Variants in PRKG1 observed in about 807,000 individuals in gnomAD.
PRKG1 encodes protein kinase cGMP-dependent 1.
In PRKG1, 35 loss-of-function variants were observed where a neutral mutation model predicts 88.1. That is an observed-to-expected ratio of 0.40 (90% CI 0.30 to 0.53). PRKG1 has a LOEUF of 0.53. PRKG1 is among the 20% of genes least tolerant of loss of function. PRKG1 has a pLI of 0.59. For missense variants in PRKG1, 540 were observed against 839.8 expected (o/e 0.64, Z 4.41); for synonymous variants, 303 against 292.5 (o/e 1.04, Z -0.37).
intron 5 of PRKG1, among the ~76,000 whole-genome samples, chr10:51,932,199 T>G (rs539132423): frequency 2.3e-4 from 31 of 136,890 alleles, no homozygotes; most frequent in African/African-American, 9.7e-4. Flanking sequence ...GGTTTGGTGT[T>G]TTTTTTTTTT....
intron 5 of PRKG1, among the ~76,000 whole-genome samples, chr10:51,963,615 T>G (rs1032878438): frequency 6.6e-6 from 1 of 151,836 alleles, no homozygotes; most frequent in Non-Finnish European, 1.5e-5. Flanking sequence ...GCCCGGCTAA[T>G]TTTTGTATTT....
chr10:51,152,274 T>A (rs1342144307), intron 1 of PRKG1, among the ~76,000 whole-genome samples: 1 of 152,068 alleles, frequency 6.6e-6, no homozygotes, highest in Non-Finnish European at 1.5e-5. Flanking sequence ...ACTGACTACC[T>A]GTATTGAATC....
chr10:52,262,416 G>T (rs1369821987), intron 10 of PRKG1, among the ~76,000 whole-genome samples: 2 of 151,900 alleles, frequency 1.3e-5, no homozygotes, highest in African/African-American at 2.4e-5. Context: ...GATTACAGGT[G>T]CCCACTGCCA....
intron 3 of PRKG1, among the ~76,000 whole-genome samples, chr10:51,761,248 T>C (rs866730480): frequency 6.6e-6 from 1 of 152,228 alleles, no homozygotes; most frequent in African/African-American, 2.4e-5. Flanking sequence ...AATTAGATTG[T>C]TTTTTAACTT....
intron 2 of PRKG1, among the ~76,000 whole-genome samples, chr10:51,403,319 T>C (rs1054956182): frequency 6.6e-6 from 1 of 152,160 alleles, no homozygotes; most frequent in Non-Finnish European, 1.5e-5. Context: ...ATACTTAAAA[T>C]TTTCAGATCT....
chr10:51,104,162 T>C (rs1844758628), intron 1 of PRKG1, among the ~76,000 whole-genome samples: 2 of 152,122 alleles, frequency 1.3e-5, no homozygotes, highest in Non-Finnish European at 2.9e-5. Context: ...AAATAGATAA[T>C]TCCTAAACAG....
At chr10:51,622,640 G>C (rs1277328727) in intron 3 of PRKG1, among the ~76,000 whole-genome samples, 1 of 152,126 alleles carries the variant, frequency 6.6e-6, no homozygotes. Flanking sequence ...ATAAGATACT[G>C]GTAAGTGCCA....
intron 1 of PRKG1, among the ~76,000 whole-genome samples, chr10:51,121,928 T>G (rs1276548081): frequency 6.6e-6 from 1 of 152,214 alleles, no homozygotes; most frequent in Non-Finnish European, 1.5e-5. Context: ...ACTTATTGCA[T>G]TTAATGTTCT....
chr10:52,042,045 A>G (rs1204903727), intron 5 of PRKG1, among the ~76,000 whole-genome samples: 2 of 152,146 alleles, frequency 1.3e-5, no homozygotes, highest in Non-Finnish European at 2.9e-5. Context: ...TAAAGCACTG[A>G]TGAAAGAAAT....
chr10:51,213,215 G>C (rs970803512), intron 2 of PRKG1, among the ~76,000 whole-genome samples: 2 of 151,162 alleles, frequency 1.3e-5, no homozygotes, highest in Admixed American at 1.3e-4. Flanking sequence ...CTATCGCAAG[G>C]ACAAAAAACC....
At chr10:51,842,648 G>T (rs778852584) in intron 4 of PRKG1, among the ~76,000 whole-genome samples, 4 of 152,040 alleles carry the variant, frequency 2.6e-5, no homozygotes, top group Non-Finnish European at 5.9e-5. Flanking sequence ...AGAATTTTAT[G>T]TTAGATAACA....
At chr10:51,382,656 G>A (rs1016035729) in intron 2 of PRKG1, among the ~76,000 whole-genome samples, 29 of 152,160 alleles carry the variant, frequency 1.9e-4, no homozygotes, top group Non-Finnish European at 3.4e-4. Flanking sequence ...AAGTGTCAAA[G>A]TGCCTATTTA....
intron 1 of PRKG1, among the ~76,000 whole-genome samples, chr10:51,100,313 T>C: frequency 6.6e-6 from 1 of 152,342 alleles, no homozygotes; most frequent in South Asian, 2.1e-4. Flanking sequence ...TGCTGTAGAC[T>C]TTTGAAATTT....
chr10:51,813,605 C>A (rs563808396), intron 4 of PRKG1, among the ~76,000 whole-genome samples: 75 of 152,240 alleles, frequency 4.9e-4, no homozygotes, highest in Non-Finnish European at 8.5e-4. Flanking sequence ...AAGAAAACTA[C>A]ACAGGTATTC....
chr10:51,244,633 T>C (rs1479037284), intron 2 of PRKG1, among the ~76,000 whole-genome samples: 2 of 152,106 alleles, frequency 1.3e-5, no homozygotes, highest in Admixed American at 1.3e-4. Flanking sequence ...CTTTCCTAAC[T>C]TTTAAACTTA....
rs74591137 is a variant in PRKG1 at position 51,597,781 on chromosome 10, G to A, written c.592+129945G>A. Among the ~76,000 whole-genome samples, 1,373 of 152,138 alleles carry A rather than the reference G, an allele frequency of 9.0e-3. 8 individuals carry two copies. Among genetic ancestry groups the A allele is most frequent in the Non-Finnish European group, 0.013 (892 of 67,986 alleles). ...CTGGAAAACAAAATGGAAAAAATAC[G>A]TATATTACTTATATAAGCACAATGA... On this transcript the variant is annotated intron_variant, in intron 3 of 17. Coordinates refer to ENST00000373980, the MANE Select transcript of PRKG1 (RefSeq NM_006258.4).
At chr10:52,240,760 T>TA (rs565045867) in intron 9 of PRKG1, among the ~76,000 whole-genome samples, 54 of 152,300 alleles carry the variant, frequency 3.5e-4, no homozygotes, top group African/African-American at 1.3e-3. Context: ...CTAAGAATGA[T>TA]ATACGGGCTT....
At chr10:51,104,157 G>A (rs1330147135) in intron 1 of PRKG1, among the ~76,000 whole-genome samples, 1 of 152,084 alleles carries the variant, frequency 6.6e-6, no homozygotes, top group Non-Finnish European at 1.5e-5. Context: ...CAAGTAAATA[G>A]ATAATTCCTA....
intron 5 of PRKG1, among the ~76,000 whole-genome samples, chr10:51,919,629 T>C (rs548803521): frequency 6.6e-6 from 1 of 152,046 alleles, no homozygotes; most frequent in African/African-American, 2.4e-5. Flanking sequence ...GACTCCTCTT[T>C]CCTCTTCCAA....
Sources: gnomAD v4.1 joint callset for allele counts (sites outside exome capture counted in the v4.1 genomes callset) on GRCh38, gnomAD v4.1.1 for gene constraint, MANE v1.5 for transcripts, NCBI Gene and HGNC (gene_info 2026-07-23, HGNC 2026-07-21) for gene names.